GALNT13: variants seen among roughly 807,000 people sequenced by gnomAD.
GALNT13 encodes UDP-GalNAc:polypeptide N-acetylgalactosaminyltransferase 13.
A neutral mutation model predicts 64.2 loss-of-function variants in GALNT13; 28 were observed. That is an observed-to-expected ratio of 0.44 (90% CI 0.32 to 0.60). The LOEUF (loss-of-function observed/expected upper bound fraction) is 0.60, where lower values mean the gene tolerates loss of function less well. Among genes scored for constraint, GALNT13 ranks in the 20% least tolerant of loss-of-function variants. GALNT13 has a pLI of 0.05. For missense variants in GALNT13, 577 were observed against 669.8 expected (o/e 0.86, Z 1.53); for synonymous variants, 214 against 224.6 (o/e 0.95, Z 0.42).
the GALNT13 span, among the ~76,000 whole-genome samples, chr2:153,143,295 TA>T: frequency 6.6e-6 from 1 of 151,990 alleles, no homozygotes; most frequent in Non-Finnish European, 1.5e-5. Flanking sequence ...AAACTTTTTT[TA>T]AAAAGGAAAA....
chr2:153,274,622 G>C, the GALNT13 span, among the ~76,000 whole-genome samples: 1 of 152,128 alleles, frequency 6.6e-6, no homozygotes, highest in Admixed American at 6.5e-5. Flanking sequence ...ATGACTCTTG[G>C]GTGAGTCAAA....
intron 9 of GALNT13, among the ~76,000 whole-genome samples, chr2:154,354,580 T>C (rs1004605963): frequency 2.6e-5 from 4 of 151,744 alleles, no homozygotes; most frequent in Non-Finnish European, 4.4e-5. Context: ...TTTTGAGTTA[T>C]TCTTTCTGGA....
chr2:153,266,290 T>G, the GALNT13 span, among the ~76,000 whole-genome samples: 1 of 152,240 alleles, frequency 6.6e-6, no homozygotes, highest in Non-Finnish European at 1.5e-5. Context: ...GAATATTTAT[T>G]CGTAGTATTT....
the GALNT13 span, among the ~76,000 whole-genome samples, chr2:153,847,079 A>T: frequency 8.5e-5 from 13 of 152,198 alleles, no homozygotes; most frequent in East Asian, 2.5e-3. Context: ...CTAATGAAAA[A>T]AGCCAGTAAA....
At chr2:153,673,470 T>C in the GALNT13 span, among the ~76,000 whole-genome samples, 1 of 152,150 alleles carries the variant, frequency 6.6e-6, no homozygotes, top group Non-Finnish European at 1.5e-5. Context: ...CATGATTATC[T>C]CAATAGATGC....
At chr2:153,195,427 C>T in the GALNT13 span, among the ~76,000 whole-genome samples, 3 of 152,334 alleles carry the variant, frequency 2.0e-5, no homozygotes, top group South Asian at 2.1e-4. Flanking sequence ...TGCAGTCAGA[C>T]ATGCTGGCTG....
chr2:153,558,993 T>C, the GALNT13 span, among the ~76,000 whole-genome samples: 4 of 152,152 alleles, frequency 2.6e-5, no homozygotes, highest in Non-Finnish European at 5.9e-5. Context: ...TTATTATATT[T>C]TGGTGGTGAT....
At chr2:153,326,650 T>G in the GALNT13 span, among the ~76,000 whole-genome samples, 6 of 152,216 alleles carry the variant, frequency 3.9e-5, no homozygotes, top group African/African-American at 9.6e-5. Flanking sequence ...TATTTAGTGC[T>G]TCCTTCAGGA....
chr2:153,239,101 G>A, the GALNT13 span, among the ~76,000 whole-genome samples: 365 of 152,100 alleles, frequency 2.4e-3, 1 homozygote, highest in African/African-American at 8.3e-3. Context: ...TGTAGTTATT[G>A]TAAATGGGAT....
intron 3 of GALNT13, among the ~76,000 whole-genome samples, chr2:154,003,946 C>T (rs1017160695): frequency 1.3e-5 from 2 of 152,048 alleles, no homozygotes; most frequent in African/African-American, 4.8e-5. Context: ...CCTGTAGAAC[C>T]CTGAGCCAAT....
At chr2:153,963,994 T>C (rs1693142288) in intron 3 of GALNT13, among the ~76,000 whole-genome samples, 1 of 152,140 alleles carries the variant, frequency 6.6e-6, no homozygotes, top group Non-Finnish European at 1.5e-5. Flanking sequence ...AAATTCTTTC[T>C]GGAAGATTTA....
At chr2:154,093,715 C>A (rs1701937409) in intron 3 of GALNT13, among the ~76,000 whole-genome samples, 1 of 142,240 alleles carries the variant, frequency 7.0e-6, no homozygotes, top group Non-Finnish European at 1.5e-5. Context: ...CCAGATGCTT[C>A]ACAGGATATT....
At chr2:154,093,916 A>G (rs1701948952) in intron 3 of GALNT13, among the ~76,000 whole-genome samples, 1 of 151,722 alleles carries the variant, frequency 6.6e-6, no homozygotes, top group South Asian at 2.1e-4. Context: ...AAAAGCTGTC[A>G]TGTAATAGGC....
the GALNT13 span, among the ~76,000 whole-genome samples, chr2:153,593,490 A>G: frequency 6.6e-6 from 1 of 152,042 alleles, no homozygotes; most frequent in Non-Finnish European, 1.5e-5. Flanking sequence ...GTCCTTCCCT[A>G]CCCACTCTGG....
At chr2:153,792,503 GA>G in the GALNT13 span, among the ~76,000 whole-genome samples, 1 of 152,230 alleles carries the variant, frequency 6.6e-6, no homozygotes, top group East Asian at 1.9e-4. Context: ...ACTCCCTAAA[GA>G]AACTAATGGC....
intron 9 of GALNT13, among the ~76,000 whole-genome samples, chr2:154,354,079 T>A (rs1696572445): frequency 6.6e-6 from 1 of 152,200 alleles, no homozygotes; most frequent in Non-Finnish European, 1.5e-5. Context: ...TGCTATCACT[T>A]GTCTCATTGA....
chr2:153,433,798 G>A, the GALNT13 span, among the ~76,000 whole-genome samples: 1 of 151,724 alleles, frequency 6.6e-6, no homozygotes, highest in Non-Finnish European at 1.5e-5. Flanking sequence ...AGAAATAATG[G>A]CCTTATCAGA....
intron 8 of GALNT13, among the ~76,000 whole-genome samples, chr2:154,279,073 T>C (rs979139488): frequency 1.3e-5 from 2 of 152,078 alleles, no homozygotes; most frequent in Non-Finnish European, 2.9e-5. Flanking sequence ...ATTGGACAAA[T>C]GGTATAGCAA....
At chr2:154,245,777 CAT>C in intron 6 of GALNT13, 33 bp from the exon 7 acceptor site, 1 of 1,373,204 alleles carries the variant, frequency 7.3e-7, no homozygotes, top group South Asian at 1.3e-5. Context: ...TTTTAATTAT[CAT>C]GTGTCTATAA....
Sources: allele counts gnomAD v4.1 joint callset (sites outside exome capture counted in the v4.1 genomes callset), GRCh38; gene constraint gnomAD v4.1.1; transcripts MANE v1.5; gene names NCBI Gene and HGNC (gene_info 2026-07-23, HGNC 2026-07-21).